The following TAB2 variants were observed in gnomAD, a reference collection of about 807,000 sequenced individuals.
The protein encoded by TAB2 is TGF-beta activated kinase 1 (MAP3K7) binding protein 2.
Under a neutral mutation model 65.0 loss-of-function variants are expected in TAB2, and 3 were observed. The observed-to-expected ratio is 0.05, with a 90% CI of 0.02 to 0.12. The LOEUF is 0.12. TAB2 is among the 10% of genes least tolerant of loss of function. The probability of loss-of-function intolerance (pLI) is 1.00; values close to 1 mark genes in which losing one functional copy is unlikely to be tolerated. For missense variants in TAB2, 623 were observed against 840.3 expected (o/e 0.74, Z 3.20); for synonymous variants, 298 against 285.1 (o/e 1.05, Z -0.46).
chr6:149,327,268 T>C (rs1020299724), intron 1 of TAB2, among the ~76,000 whole-genome samples: 1 of 152,164 alleles, frequency 6.6e-6, no homozygotes, highest in Non-Finnish European at 1.5e-5. Flanking sequence ...TTAAGACAGA[T>C]TAAATGTTCC....
intron 3 of TAB2, among the ~76,000 whole-genome samples, chr6:149,383,389 T>C (rs1449574545): frequency 6.6e-6 from 1 of 152,206 alleles, no homozygotes; most frequent in African/African-American, 2.4e-5. Context: ...ACAACCTTGA[T>C]GGAGGTTAAA....
intron 1 of TAB2, chr6:149,255,379 A>C (rs1270032486): frequency 6.6e-6 from 1 of 152,290 alleles, no homozygotes; most frequent in African/African-American, 2.4e-5. Context: ...GGAAACAAAT[A>C]AAACATAATT....
At chr6:149,293,427 T>G (rs611550) in intron 1 of TAB2, among the ~76,000 whole-genome samples, 50,198 of 152,162 alleles carry the variant, frequency 0.33, 8,361 homozygotes, top group East Asian at 0.41. Flanking sequence ...ATTAATTCAC[T>G]TCTTATGTGT....
chr6:149,280,585 A>G (rs1188053232), intron 1 of TAB2, among the ~76,000 whole-genome samples: 1 of 152,230 alleles, frequency 6.6e-6, no homozygotes, highest in Non-Finnish European at 1.5e-5. Flanking sequence ...GATAAAATCT[A>G]TAAAATTGTC....
At chr6:149,352,407 C>A (rs1412314540) in intron 1 of TAB2, among the ~76,000 whole-genome samples, 1 of 152,124 alleles carries the variant, frequency 6.6e-6, no homozygotes, top group African/African-American at 2.4e-5. Flanking sequence ...CTAGTTATTT[C>A]TTTCCCATTG....
At chr6:149,250,546 T>C (rs1777838275) in intron 1 of TAB2, among the ~76,000 whole-genome samples, 1 of 152,194 alleles carries the variant, frequency 6.6e-6, no homozygotes, top group Non-Finnish European at 1.5e-5. Flanking sequence ...CCTCAGGCGA[T>C]CTGCCCACCT....
intron 2 of TAB2, among the ~76,000 whole-genome samples, chr6:149,373,221 A>C (rs1781287158): frequency 6.6e-6 from 1 of 152,228 alleles, no homozygotes; most frequent in African/African-American, 2.4e-5. Flanking sequence ...AGAATGTGAA[A>C]ATATTGCATA....
chr6:149,291,270 A>G (rs958766869), intron 1 of TAB2: 2 of 152,248 alleles, frequency 1.3e-5, no homozygotes, highest in Non-Finnish European at 2.9e-5. Context: ...AACATGAAAG[A>G]GTTCACATTT....
intron 1 of TAB2, among the ~76,000 whole-genome samples, chr6:149,300,358 G>C (rs763078387): frequency 6.6e-6 from 1 of 152,192 alleles, no homozygotes; most frequent in Non-Finnish European, 1.5e-5. Context: ...GGTTGACAGG[G>C]TCAGATAATT....
chr6:149,240,091 G>T (rs1777570328), intron 1 of TAB2, among the ~76,000 whole-genome samples: 1 of 152,186 alleles, frequency 6.6e-6, no homozygotes, highest in African/African-American at 2.4e-5. Context: ...CCTGCTGAAG[G>T]TAGCGCCAAA....
intron 1 of TAB2, among the ~76,000 whole-genome samples, chr6:149,322,174 C>A (rs1356100090): frequency 6.6e-6 from 1 of 152,032 alleles, no homozygotes; most frequent in Non-Finnish European, 1.5e-5. Flanking sequence ...TATTGAAGAA[C>A]AGACAAAAAT....
intron 1 of TAB2, among the ~76,000 whole-genome samples, chr6:149,262,679 C>T (rs1197285879): frequency 6.6e-6 from 1 of 152,210 alleles, no homozygotes; most frequent in Non-Finnish European, 1.5e-5. Context: ...CAAGAAGCAG[C>T]AAATCCACAT....
intron 1 of TAB2, among the ~76,000 whole-genome samples, chr6:149,221,796 T>C (rs1428528681): frequency 1.3e-5 from 2 of 152,164 alleles, no homozygotes; most frequent in South Asian, 2.1e-4. Context: ...GAGTTTCTGA[T>C]TGTCTGAGCC....
chr6:149,275,284 G>GAAAC (rs1224647147), intron 1 of TAB2, among the ~76,000 whole-genome samples: 1 of 147,942 alleles, frequency 6.8e-6, no homozygotes, highest in South Asian at 2.1e-4. Flanking sequence ...AAGAAAGAAA[G>GAAAC]AAAGAAAGAA....
intron 1 of TAB2, among the ~76,000 whole-genome samples, chr6:149,337,889 C>G (rs1052254870): frequency 2.6e-5 from 4 of 151,866 alleles, no homozygotes. Context: ...AGTAAAATTG[C>G]AGGAGATATT....
chr6:149,351,282 C>G lies in TAB2; in HGVS notation c.-89-18627C>G, dbSNP rs1292485358. Among the ~76,000 whole-genome samples, 6 of 152,098 alleles carry G rather than the reference C, an allele frequency of 3.9e-5. No homozygotes were observed. In the East Asian group the frequency reaches 1.2e-3, roughly 29 times the overall value. ...GTCCCGTATGCATTGAAAAAGAAGG[C>G]CTTAAAGGCTCAATCCACTCCTACA... is the stretch of plus-strand genomic sequence containing the variant. On this transcript the variant is annotated intron_variant, in intron 1 of 6. Coordinates refer to ENST00000637181, the MANE Select transcript of TAB2 (RefSeq NM_001292034.3).
At chr6:149,358,127 A>G (rs1027010023) in intron 1 of TAB2, among the ~76,000 whole-genome samples, 13 of 152,342 alleles carry the variant, frequency 8.5e-5, no homozygotes, top group African/African-American at 2.9e-4. Flanking sequence ...ATGTGTGTAT[A>G]TAAGTTGAGT....
chr6:149,377,165 G>C (rs1327747524), intron 2 of TAB2, among the ~76,000 whole-genome samples: 3 of 151,064 alleles, frequency 2.0e-5, no homozygotes, highest in African/African-American at 7.3e-5. Context: ...CGCCTCCCAG[G>C]TTCACGCCAT....
intron 2 of TAB2, among the ~76,000 whole-genome samples, chr6:149,376,887 C>G (rs1222434018): frequency 1.3e-5 from 1 of 75,494 alleles, no homozygotes; most frequent in Non-Finnish European, 2.8e-5. Flanking sequence ...ATCTGAGGTT[C>G]CCCCCCCCCA....
Sources: allele counts gnomAD v4.1 joint callset (sites outside exome capture counted in the v4.1 genomes callset), GRCh38; gene constraint gnomAD v4.1.1; transcripts MANE v1.5; gene names NCBI Gene and HGNC (gene_info 2026-07-23, HGNC 2026-07-21).